DENND1B: variants seen among roughly 807,000 people sequenced by gnomAD.
DENND1B encodes the protein DENN domain-containing protein 1B.
Under a neutral mutation model 90.1 loss-of-function variants are expected in DENND1B, and 59 were observed. That is an observed-to-expected ratio of 0.65 (90% CI 0.53 to 0.81). The LOEUF is 0.81. Among genes scored for constraint, DENND1B ranks in the 40% least tolerant of loss-of-function variants. The pLI is 0.00. For synonymous variants in DENND1B, 337 were observed against 324.6 expected, an observed-to-expected ratio of 1.04 and a Z score of -0.41; for missense variants, 862 against 912.6, an observed-to-expected ratio of 0.94 and a Z score of 0.71.
At chr1:197,770,459 TAAG>T (rs1454225364) in intron 2 of DENND1B, among the ~76,000 whole-genome samples, 1 of 151,808 alleles carries the variant, frequency 6.6e-6, no homozygotes, top group Non-Finnish European at 1.5e-5. Flanking sequence ...AAAGCCTTTA[TAAG>T]AAGACCACAA....
chr1:197,603,405 T>C (rs1354687975), intron 13 of DENND1B, among the ~76,000 whole-genome samples: 2 of 151,296 alleles, frequency 1.3e-5, no homozygotes, highest in South Asian at 4.1e-4. Context: ...AGATATACCA[T>C]TAACAGTATA....
intron 2 of DENND1B, among the ~76,000 whole-genome samples, chr1:197,772,213 A>T (rs1656717223): frequency 6.6e-6 from 1 of 152,126 alleles, no homozygotes; most frequent in Non-Finnish European, 1.5e-5. Flanking sequence ...AAAGACACTA[A>T]ATTTCCAAAC....
At chr1:197,734,476 A>G (rs1662450101) in intron 2 of DENND1B, 1 of 979,666 alleles carries the variant, frequency 1.0e-6, no homozygotes, top group Non-Finnish European at 1.2e-6. Context: ...AAAACTATAT[A>G]TGATTACAAC....
rs199746467 is a variant in DENND1B at position 197,759,145 on chromosome 1, AT to A, written c.82+13722del. On this transcript the variant is annotated intron_variant, in intron 2 of 22. Coordinates refer to ENST00000620048, the MANE Select transcript of DENND1B (RefSeq NM_001195215.2). ...ACCACTACACCCAGCTAACTTTTGT[AT>A]TTTTTGGTGGAGATGGAGTTTCACA... 9.0e-3 allele frequency among the ~76,000 whole-genome samples: 1,355 copies of A among 151,066 alleles called. 17 individuals carry two copies. Among genetic ancestry groups the A allele is most frequent in the African/African-American group, 0.028 (1,150 of 41,230 alleles).
chr1:197,531,405 C>CTT (rs1371728894), intron 20 of DENND1B, among the ~76,000 whole-genome samples: 65 of 1,972 alleles, frequency 0.033, 11 homozygotes, highest in African/African-American at 0.035. Flanking sequence ...TTTTTTTTTT[C>CTT]TTTTTTTTTT....
intron 2 of DENND1B, among the ~76,000 whole-genome samples, chr1:197,749,568 TAA>T (rs879474913): frequency 2.6e-5 from 4 of 152,050 alleles, no homozygotes; most frequent in Admixed American, 2.0e-4. Flanking sequence ...TAAGATATAA[TAA>T]AGACATTTTC....
intron 2 of DENND1B, chr1:197,735,074 C>T (rs1447610848): frequency 3.1e-6 from 3 of 977,422 alleles, no homozygotes; most frequent in African/African-American, 1.8e-5. Context: ...TTTAAAAGAA[C>T]ATTTCATAAA....
chr1:197,770,842 A>ATATATAAATATATATGTAAATATATATC (rs1656485849), intron 2 of DENND1B, among the ~76,000 whole-genome samples: 1 of 97,036 alleles, frequency 1.0e-5, no homozygotes, highest in African/African-American at 3.2e-5. Flanking sequence ...CTATAAATAT[A>ATATATAAATATATATGTAAATATATATC]TATAAATATA....
chr1:197,659,731 A>C (rs1654218923), intron 5 of DENND1B, among the ~76,000 whole-genome samples: 1 of 151,990 alleles, frequency 6.6e-6, no homozygotes, highest in Non-Finnish European at 1.5e-5. Context: ...TTAGAAAGGA[A>C]AAGGACCAGC....
At chr1:197,568,443 C>T (rs1210150025) in intron 15 of DENND1B, among the ~76,000 whole-genome samples, 1 of 152,078 alleles carries the variant, frequency 6.6e-6, no homozygotes, top group Non-Finnish European at 1.5e-5. Context: ...ATCTACAGTT[C>T]AACGTAATTC....
chr1:197,575,137 T>C (rs1673548444), intron 15 of DENND1B, among the ~76,000 whole-genome samples: 1 of 151,776 alleles, frequency 6.6e-6, no homozygotes, highest in Non-Finnish European at 1.5e-5. Context: ...GAAACTACCA[T>C]CAGAGTGAAC....
At chr1:197,734,935 T>C in intron 2 of DENND1B, 2 of 985,264 alleles carry the variant, frequency 2.0e-6, no homozygotes, top group Non-Finnish European at 2.4e-6. Context: ...CACATGAAAA[T>C]CTAAGCCTGG....
intron 16 of DENND1B, among the ~76,000 whole-genome samples, chr1:197,547,757 T>C (rs768577965): frequency 3.9e-5 from 6 of 152,204 alleles, no homozygotes; most frequent in African/African-American, 7.2e-5. Flanking sequence ...AAAGTATATT[T>C]CCCTTGTAAA....
chr1:197,581,008 C>G, intron 15 of DENND1B, among the ~76,000 whole-genome samples: 1 of 152,174 alleles, frequency 6.6e-6, no homozygotes, highest in East Asian at 1.9e-4. Flanking sequence ...TCTCCTGGGT[C>G]AGAGTCCTCT....
intron 5 of DENND1B, among the ~76,000 whole-genome samples, chr1:197,668,616 A>C (rs574284742): frequency 2.2e-4 from 33 of 151,208 alleles, no homozygotes; most frequent in Non-Finnish European, 3.7e-4. Flanking sequence ...TGTTACTCTC[A>C]TTGTTTGTAT....
intron 7 of DENND1B, among the ~76,000 whole-genome samples, chr1:197,647,626 A>AT (rs1680845271): frequency 6.6e-6 from 1 of 152,188 alleles, no homozygotes; most frequent in South Asian, 2.1e-4. Context: ...GTAAACAAAC[A>AT]TTAACAGCTG....
chr1:197,691,372 C>T (rs1657861233), intron 3 of DENND1B, among the ~76,000 whole-genome samples: 1 of 151,756 alleles, frequency 6.6e-6, no homozygotes, highest in Non-Finnish European at 1.5e-5. Flanking sequence ...CTCAACATCA[C>T]TAATTATGAA....
At chr1:197,729,662 T>G (rs1276783013) in intron 2 of DENND1B, among the ~76,000 whole-genome samples, 3 of 152,158 alleles carry the variant, frequency 2.0e-5, no homozygotes, top group Non-Finnish European at 4.4e-5. Context: ...AAATTATCCT[T>G]GGGCATTTGC....
chr1:197,676,319 T>A (rs2224873), intron 3 of DENND1B, among the ~76,000 whole-genome samples: 23,870 of 152,080 alleles, frequency 0.16, 2,502 homozygotes, highest in Middle Eastern at 0.32. Flanking sequence ...CTTTTATGGA[T>A]CCTCTTAGCA....
Sources: gnomAD v4.1 joint callset for allele counts (sites outside exome capture counted in the v4.1 genomes callset) on GRCh38, gnomAD v4.1.1 for gene constraint, MANE v1.5 for transcripts, NCBI Gene and HGNC (gene_info 2026-07-23, HGNC 2026-07-21) for gene names.